Variants in MAPRE2 observed in about 807,000 individuals in gnomAD.
MAPRE2 encodes microtubule associated protein RP/EB family member 2.
Under a neutral mutation model 43.2 loss-of-function variants are expected in MAPRE2, and 13 were observed. The ratio of observed to expected loss-of-function variants is 0.30; its 90% CI spans 0.20 to 0.48. The LOEUF is 0.48. Ranked by LOEUF, MAPRE2 falls within the 20% of genes least tolerant of loss-of-function variation. The pLI is 0.99. For synonymous variants in MAPRE2, 135 were observed against 148.8 expected (o/e 0.91, Z 0.68); for missense variants, 161 against 400.2 (o/e 0.40, Z 5.10).
chr18:34,982,432 A>G (rs1319949388), intron 1 of MAPRE2, among the ~76,000 whole-genome samples: 1 of 152,104 alleles, frequency 6.6e-6, no homozygotes, highest in Non-Finnish European at 1.5e-5. Flanking sequence ...GCACATTCCC[A>G]TCTCTTCTTG....
At chr18:35,069,821 T>C (rs539279185) in intron 1 of MAPRE2, among the ~76,000 whole-genome samples, 21 of 152,328 alleles carry the variant, frequency 1.4e-4, no homozygotes, top group Non-Finnish European at 2.6e-4. Flanking sequence ...GTCTTTGTAG[T>C]GAGTACTGAA....
Position 35,132,106 on chromosome 18 carries a change from C to G in MAPRE2, c.825C>G (p.Ile275Met). 6.2e-7 allele frequency: 1 copy of G among 1,614,134 alleles called. No homozygotes were observed. Among genetic ancestry groups the G allele is most frequent in the Non-Finnish European group, 8.5e-7 (1 of 1,180,002 alleles). The change falls in exon 6 of 7, where the codon ATC becomes ATG. Residue 275 changes from isoleucine to methionine, a missense_variant. By Grantham distance (10) the Ile-to-Met change is conservative (BLOSUM62 1). Coordinates refer to ENST00000300249, the MANE Select transcript of MAPRE2 (RefSeq NM_014268.4). Reference protein sequence around the residue: ...RDFYFGKLREIELLCQEHGQE... With the variant: ...RDFYFGKLREMELLCQEHGQE... ...TCTACTTTGGGAAGTTGAGAGAGAT[C>G]GAGCTACTCTGCCAAGAACACGGGC...
rs116164206 is a variant in MAPRE2 at position 35,013,852 on chromosome 18, A to G, written c.-8+8299A>G. Among the ~76,000 whole-genome samples the G allele has an allele frequency of 7.2e-3, 1,099 of 152,244 alleles. 15 individuals carry two copies. The highest frequency in any genetic ancestry group is 0.025 in the African/African-American group (1,051 of 41,552). ...TCCATCCATGTTGCTGTGAAAGACC[A>G]GATTTTGTTCTTTTTCATGGCATTG... On this transcript the variant is annotated intron_variant, in intron 2 of 7. Coordinates refer to the MAPRE2 transcript ENST00000413393.
chr18:34,983,681 G>C (rs1459994580), intron 1 of MAPRE2, among the ~76,000 whole-genome samples: 1 of 152,100 alleles, frequency 6.6e-6, no homozygotes, highest in Non-Finnish European at 1.5e-5. Flanking sequence ...CCAGGTTAGA[G>C]TGCAATGGTA....
At chr18:35,060,592 A>G (rs1906473215) in intron 1 of MAPRE2, among the ~76,000 whole-genome samples, 1 of 152,212 alleles carries the variant, frequency 6.6e-6, no homozygotes, top group Non-Finnish European at 1.5e-5. Context: ...TAGAATTCCA[A>G]AATTTTGTCA....
chr18:35,104,964 G>A (rs1184102615), intron 4 of MAPRE2, among the ~76,000 whole-genome samples: 1 of 152,012 alleles, frequency 6.6e-6, no homozygotes, highest in Non-Finnish European at 1.5e-5. Context: ...TAGTGAGATT[G>A]GACAGACCTC....
chr18:34,990,673 A>G (rs1371071579), intron 1 of MAPRE2, among the ~76,000 whole-genome samples: 1 of 152,074 alleles, frequency 6.6e-6, no homozygotes, highest in African/African-American at 2.4e-5. Flanking sequence ...TTTGTTTTAA[A>G]ATTTTAGACA....
rs1910700446 is a variant in MAPRE2 at position 35,142,478 on chromosome 18, T to C, written c.*2109T>C. On this transcript the variant is annotated 3_prime_UTR_variant, in exon 7 of 7. Transcript: ENST00000300249. ...GCTGTATAACTTGCATAAGCCTCCC[T>C]GGTGACTCTTGCAGGAACCACTCCA... 1 of 152,196 alleles carries C rather than the reference T, an allele frequency of 6.6e-6. No homozygotes were observed. The highest frequency in any genetic ancestry group is 2.4e-5 in the African/African-American group (1 of 41,424). The allele number at this position is 152,196 out of a possible 1,614,324, so 9.4% of individuals were successfully genotyped here.
chr18:35,001,274 G>T (rs540862113), intron 1 of MAPRE2, among the ~76,000 whole-genome samples: 1 of 152,256 alleles, frequency 6.6e-6, no homozygotes, highest in South Asian at 2.1e-4. Context: ...CACTTTGGGA[G>T]GCCGAGGCAG....
intron 1 of MAPRE2, among the ~76,000 whole-genome samples, chr18:34,994,996 G>C (rs7240845): frequency 0.34 from 52,067 of 152,010 alleles, 9,064 homozygotes; most frequent in Middle Eastern, 0.4. Flanking sequence ...ATACCAGTAT[G>C]TTAACCTCTA....
At position 35,041,428 on chromosome 18, in the gene MAPRE2, G is replaced by C. The variant is rs909942951; in HGVS notation, c.-112G>C. 1.4e-5 allele frequency: 22 copies of C among 1,572,994 alleles called. No homozygotes were observed. The highest frequency in any genetic ancestry group is 1.4e-4 in the East Asian group (6 of 44,244). On this transcript the variant is annotated 5_prime_UTR_variant, in exon 1 of 7. Coordinates refer to ENST00000300249, the MANE Select transcript of MAPRE2 (RefSeq NM_014268.4). ...CGAGAGCTGGGAGAAGGCAGTGAGC[G>C]AGCAGGCGGCAGGCACGGTCCGTGC...
intron 4 of MAPRE2, among the ~76,000 whole-genome samples, chr18:35,106,889 A>G (rs1908934985): frequency 6.6e-6 from 1 of 152,192 alleles, no homozygotes; most frequent in Admixed American, 6.6e-5. Context: ...ATATAAGTAC[A>G]TGCATCATTG....
chr18:35,025,829 T>C (rs1298376311), intron 2 of MAPRE2, among the ~76,000 whole-genome samples: 1 of 152,212 alleles, frequency 6.6e-6, no homozygotes, highest in African/African-American at 2.4e-5. Flanking sequence ...GGTTCTTCTC[T>C]TTGTTTACCA....
At chr18:34,987,168 C>A (rs1290020397) in intron 1 of MAPRE2, among the ~76,000 whole-genome samples, 1 of 152,136 alleles carries the variant, frequency 6.6e-6, no homozygotes, top group African/African-American at 2.4e-5. Context: ...TATTCTTTCA[C>A]CAATTTTTTA....
At chr18:35,051,536 C>T (rs1186287003) in intron 1 of MAPRE2, among the ~76,000 whole-genome samples, 1 of 152,212 alleles carries the variant, frequency 6.6e-6, no homozygotes, top group Non-Finnish European at 1.5e-5. Flanking sequence ...GCTACCTCTA[C>T]TCCAGTTCAA....
At chr18:35,137,651 C>T (rs1334052028) in intron 6 of MAPRE2, among the ~76,000 whole-genome samples, 1 of 152,222 alleles carries the variant, frequency 6.6e-6, no homozygotes, top group African/African-American at 2.4e-5. Context: ...ACCACACTCA[C>T]GTTCAAGAGT....
chr18:35,078,444 C>G (rs916335219), intron 2 of MAPRE2, among the ~76,000 whole-genome samples: 3 of 152,086 alleles, frequency 2.0e-5, no homozygotes, highest in African/African-American at 7.2e-5. Context: ...TCTCTCTCTG[C>G]CATTTTCAGT....
intron 5 of MAPRE2, among the ~76,000 whole-genome samples, chr18:35,127,861 A>G (rs1384461449): frequency 6.6e-6 from 1 of 152,206 alleles, no homozygotes; most frequent in Admixed American, 6.5e-5. Flanking sequence ...TTTTCATTAT[A>G]AAATCTTAGG....
At chr18:35,098,181 T>C (rs1205620508) in intron 3 of MAPRE2, among the ~76,000 whole-genome samples, 2 of 152,192 alleles carry the variant, frequency 1.3e-5, no homozygotes, top group African/African-American at 4.8e-5. Context: ...GGAGTACTTT[T>C]TCTCTCAATA....
Sources: gnomAD v4.1 joint callset for allele counts (sites outside exome capture counted in the v4.1 genomes callset) on GRCh38, gnomAD v4.1.1 for gene constraint, MANE v1.5 for transcripts, NCBI Gene and HGNC (gene_info 2026-07-23, HGNC 2026-07-21) for gene names.